Variants in TENM4 observed in about 807,000 individuals in gnomAD.
TENM4 encodes teneurin transmembrane protein 4.
A neutral mutation model predicts 243.3 loss-of-function variants in TENM4; 82 were observed. That is an observed-to-expected ratio of 0.34 (90% CI 0.28 to 0.40). TENM4 has a LOEUF of 0.40. Among genes scored for constraint, TENM4 ranks in the 10% least tolerant of loss-of-function variants. The pLI is 1.00. For missense variants in TENM4, 3,138 were observed against 3,673.3 expected, an observed-to-expected ratio of 0.85 and a Z score of 3.77; for synonymous variants, 1,412 against 1,456.3, an observed-to-expected ratio of 0.97 and a Z score of 0.69.
intron 3 of TENM4, among the ~76,000 whole-genome samples, chr11:79,180,860 T>A (rs1052197291): frequency 6.6e-6 from 1 of 150,544 alleles, no homozygotes; most frequent in African/African-American, 2.5e-5. Flanking sequence ...GTCATATATA[T>A]ACACACACAT....
chr11:79,099,212 T>A (rs1349514682), intron 4 of TENM4, among the ~76,000 whole-genome samples: 2 of 152,134 alleles, frequency 1.3e-5, no homozygotes, highest in African/African-American at 4.8e-5. Context: ...ATTCCCCTCC[T>A]GCCAGGGGTG....
chr11:78,911,613 G>A (rs189247384), intron 6 of TENM4, among the ~76,000 whole-genome samples: 44 of 152,338 alleles, frequency 2.9e-4, no homozygotes, highest in African/African-American at 1.1e-3. Context: ...CCTTTGGAAA[G>A]TGATTATGGT....
chr11:79,185,204 G>A (rs367742446), intron 3 of TENM4, among the ~76,000 whole-genome samples: 3 of 152,036 alleles, frequency 2.0e-5, no homozygotes, highest in Non-Finnish European at 4.4e-5. Context: ...AGGCTGAGGT[G>A]GGGGGATTGT....
At chr11:79,274,307 C>T (rs775401576) in intron 2 of TENM4, among the ~76,000 whole-genome samples, 1 of 152,218 alleles carries the variant, frequency 6.6e-6, no homozygotes, top group Non-Finnish European at 1.5e-5. Flanking sequence ...GAATGCATCC[C>T]GTTTTTCACT....
chr11:78,793,537 A>T (rs1296578023), intron 15 of TENM4, among the ~76,000 whole-genome samples: 1 of 152,204 alleles, frequency 6.6e-6, no homozygotes, highest in African/African-American at 2.4e-5. Flanking sequence ...TTTTTGTTTT[A>T]TCACTAGCTC....
chr11:79,085,396 T>G (rs1860788718), intron 4 of TENM4, among the ~76,000 whole-genome samples: 2 of 77,476 alleles, frequency 2.6e-5, no homozygotes, highest in South Asian at 8.2e-4. Context: ...AAAGGGGGGT[T>G]TTTTTTTTGG....
chr11:78,729,282 C>G (rs760120995), intron 22 of TENM4, 94 bp downstream of exon 22: 188 of 1,359,938 alleles, frequency 1.4e-4, no homozygotes, highest in Middle Eastern at 2.5e-4. Flanking sequence ...TATTTTTGAT[C>G]TGAGAAGAGG....
Position 79,132,706 on chromosome 11 carries a change from G to GA in TENM4, c.-66+16003dup, listed in dbSNP as rs537813114. Among the ~76,000 whole-genome samples the GA allele has an allele frequency of 2.6e-4, 39 of 152,116 alleles. 1 individual carries two copies. The highest frequency in any genetic ancestry group is 1.7e-3 in the Admixed American group (26 of 15,286). ...CTCCAAAAGGAAACTTTAAAACCAT[G>GA]AAAAAAACATGGAAATTAAATAACC... On this transcript the variant is annotated intron_variant, in intron 4 of 33. Transcript: ENST00000278550.
At chr11:79,410,876 G>A (rs992120348) in intron 1 of TENM4, among the ~76,000 whole-genome samples, 1 of 152,136 alleles carries the variant, frequency 6.6e-6, no homozygotes, top group Non-Finnish European at 1.5e-5. Flanking sequence ...ACTCTACAGG[G>A]AGGGTTCTTT....
At chr11:78,942,159 T>A (rs1188492179) in intron 6 of TENM4, among the ~76,000 whole-genome samples, 1 of 142,396 alleles carries the variant, frequency 7.0e-6, no homozygotes, top group Non-Finnish European at 1.5e-5. Context: ...ATGCCTGTAA[T>A]CCCAGCACTT....
At chr11:79,239,997 GCCTTT>G (rs1192600887) in intron 2 of TENM4, among the ~76,000 whole-genome samples, 2 of 152,164 alleles carry the variant, frequency 1.3e-5, no homozygotes, top group African/African-American at 4.8e-5. Context: ...GATTATCAAA[GCCTTT>G]CCAAACGCAA....
intron 6 of TENM4, among the ~76,000 whole-genome samples, chr11:78,934,142 T>C (rs1252795067): frequency 6.6e-6 from 1 of 152,200 alleles, no homozygotes; most frequent in African/African-American, 2.4e-5. Context: ...GAGGGAATGC[T>C]GCCTGGGGAG....
chr11:78,856,143 T>C lies in TENM4; in HGVS notation c.1291A>G (p.Ile431Val), dbSNP rs1466005284. 1.3e-6 allele frequency: 2 copies of C among 1,551,632 alleles called. No homozygotes were observed. The highest frequency in any genetic ancestry group is 2.0e-5 in the Admixed American group (1 of 50,996). ...PSSFFPEDSF[I>V]DSGEIDVGRR... ...CCCACATCAATTTCTCCAGAATCTA[T>C]GAAACTGTCCTCTGGAAAGAAACTA... The change falls in exon 11 of 34, where the codon ATA (isoleucine) becomes GTA (valine). Residue 431 changes from isoleucine (I) to valine (V), a missense_variant. Physicochemically the swap from Ile to Val is conservative, Grantham distance 29. Around this residue, in one of 2 missense-constraint regions of TENM4, gnomAD observed 671 missense variants for 614.1 expected, o/e 1.09. Transcript: ENST00000278550.
chr11:78,712,578 C>A lies in TENM4; in HGVS notation c.3958G>T (p.Val1320Leu), dbSNP rs1416962565. 1.2e-6 allele frequency: 2 copies of A among 1,613,884 alleles called. No homozygotes were observed. Among genetic ancestry groups the A allele is most frequent in the Non-Finnish European group, 1.7e-6 (2 of 1,179,908 alleles). Residue 1320 changes from valine to leucine, a missense_variant, in exon 26 of 34, where the codon GTG becomes TTG. Physicochemically the swap from Val to Leu is conservative, Grantham distance 32 (BLOSUM62 1). Around this residue, in one of 2 missense-constraint regions of TENM4, gnomAD observed 2,467 missense variants for 3,059.1 expected, o/e 0.81. Coordinates refer to ENST00000278550, the MANE Select transcript of TENM4 (RefSeq NM_001098816.3). ...CACTGGTCACCTGTCCCCGCAACCACCTCAGAGTTCTTGACAAGGTCCTTC... is the reference window on the plus strand; with the variant it reads ...CACTGGTCACCTGTCCCCGCAACCAACTCAGAGTTCTTGACAAGGTCCTTC... ...VVKDLVKNSE[V>L]VAGTGDQCLP...
intron 6 of TENM4, among the ~76,000 whole-genome samples, chr11:79,024,725 A>T (rs1340172368): frequency 6.6e-6 from 1 of 152,204 alleles, no homozygotes; most frequent in Non-Finnish European, 1.5e-5. Flanking sequence ...TATTACAAAG[A>T]GTAATGTTTC....
chr11:79,301,909 G>C (rs1299511228), intron 1 of TENM4, among the ~76,000 whole-genome samples: 1 of 152,160 alleles, frequency 6.6e-6, no homozygotes, highest in Non-Finnish European at 1.5e-5. Flanking sequence ...ATGCTGTCAT[G>C]CTTCCTGTAC....
intron 9 of TENM4, among the ~76,000 whole-genome samples, chr11:78,872,049 G>A (rs543347786): frequency 6.6e-6 from 1 of 152,254 alleles, no homozygotes; most frequent in East Asian, 1.9e-4. Flanking sequence ...ACAGAGATAA[G>A]TAGTACATAT....
chr11:79,379,038 G>A (rs1417972309), intron 1 of TENM4, among the ~76,000 whole-genome samples: 1 of 152,218 alleles, frequency 6.6e-6, no homozygotes, highest in African/African-American at 2.4e-5. Flanking sequence ...TACAGTGCTT[G>A]TAGGGGTAAG....
intron 20 of TENM4, among the ~76,000 whole-genome samples, chr11:78,733,649 A>T (rs777687321): frequency 1.3e-5 from 2 of 152,194 alleles, no homozygotes; most frequent in Non-Finnish European, 2.9e-5. Context: ...CTTTTTGAAC[A>T]TTGAAGAAAA....
Sources: allele counts gnomAD v4.1 joint callset (sites outside exome capture counted in the v4.1 genomes callset), GRCh38; gene constraint gnomAD v4.1.1; regional missense constraint gnomAD v4.1.1; transcripts MANE v1.5; gene names NCBI Gene and HGNC (gene_info 2026-07-23, HGNC 2026-07-21).